Variants in CHRM3 observed in about 807,000 individuals in gnomAD.
CHRM3 encodes the protein cholinergic receptor muscarinic 3, also known as muscarinic acetylcholine receptor M3.
CHRM3 carries 11 observed loss-of-function variants against 41.8 expected under a neutral mutation model. The observed-to-expected ratio is 0.26, with a 90% confidence interval of 0.17 to 0.44. CHRM3 has a LOEUF of 0.44. Among genes scored for constraint, CHRM3 ranks in the 20% least tolerant of loss-of-function variants. CHRM3 has a pLI of 1.00. For missense variants in CHRM3, 571 were observed against 745.4 expected (o/e 0.77, Z 2.72); for synonymous variants, 297 against 301.4 (o/e 0.99, Z 0.15).
intron 6 of CHRM3, among the ~76,000 whole-genome samples, chr1:239,871,430 C>T (rs538205967): frequency 1.3e-5 from 2 of 152,052 alleles, no homozygotes; most frequent in Admixed American, 6.6e-5. Flanking sequence ...TTAGTAGAGA[C>T]GAGGTTTCAC....
At chr1:239,834,257 A>G (rs1673122159) in intron 6 of CHRM3, among the ~76,000 whole-genome samples, 1 of 151,626 alleles carries the variant, frequency 6.6e-6, no homozygotes, top group Non-Finnish European at 1.5e-5. Flanking sequence ...TTAAATGTTC[A>G]ATAAATACTC....
At chr1:239,879,973 G>C (rs1452656043) in intron 6 of CHRM3, among the ~76,000 whole-genome samples, 1 of 152,200 alleles carries the variant, frequency 6.6e-6, no homozygotes, top group East Asian at 1.9e-4. Flanking sequence ...AGCCAGGCTT[G>C]TTCTGCCTGT....
chr1:239,527,350 A>G (rs1670062014), intron 2 of CHRM3, among the ~76,000 whole-genome samples: 1 of 144,866 alleles, frequency 6.9e-6, no homozygotes, highest in Non-Finnish European at 1.5e-5. Context: ...ACCATGTTTT[A>G]TGAAAACTAG....
chr1:239,830,588 C>T lies in CHRM3; in HGVS notation c.-20+3210C>T, dbSNP rs578171130. On this transcript the variant is annotated intron_variant, in intron 6 of 6. Transcript: ENST00000676153. ...GTGTGGTGGCGCGTGCCTGTAGTCC[C>T]AGCTACTTGGGAGGCTAAGGCAGGA... is the stretch of plus-strand genomic sequence containing the variant. 5.9e-5 allele frequency among the ~76,000 whole-genome samples: 9 copies of T among 152,316 alleles called. No homozygotes were observed. In the South Asian group the frequency reaches 1.7e-3, roughly 28 times the overall value.
intron 6 of CHRM3, among the ~76,000 whole-genome samples, chr1:239,900,380 T>C (rs953609922): frequency 2.4e-5 from 3 of 127,294 alleles, no homozygotes; most frequent in Non-Finnish European, 4.5e-5. Context: ...AGATATTCTT[T>C]TTTTTTTTTT....
intron 2 of CHRM3, among the ~76,000 whole-genome samples, chr1:239,519,814 C>A (rs897707183): frequency 1.5e-5 from 2 of 132,950 alleles, no homozygotes; most frequent in African/African-American, 5.8e-5. Context: ...GTGGCACGAT[C>A]TTGGCTCACT....
chr1:239,445,071 A>G (rs1441360206), intron 1 of CHRM3, among the ~76,000 whole-genome samples: 9 of 152,206 alleles, frequency 5.9e-5, no homozygotes, highest in Admixed American at 5.9e-4. Flanking sequence ...ATCTTAATGA[A>G]TGATAATCCA....
chr1:239,807,996 C>A (rs930897786), intron 5 of CHRM3, among the ~76,000 whole-genome samples: 1 of 152,102 alleles, frequency 6.6e-6, no homozygotes, highest in Non-Finnish European at 1.5e-5. Flanking sequence ...AATGAATATT[C>A]ATTAGTTATA....
chr1:239,799,490 C>T (rs1035169112), intron 5 of CHRM3, among the ~76,000 whole-genome samples: 2 of 152,102 alleles, frequency 1.3e-5, no homozygotes, highest in East Asian at 1.9e-4. Flanking sequence ...CTCATGGAAT[C>T]CCTCCACCTA....
At chr1:239,396,057 G>C (rs755505423) in intron 1 of CHRM3, among the ~76,000 whole-genome samples, 1 of 152,116 alleles carries the variant, frequency 6.6e-6, no homozygotes, top group Non-Finnish European at 1.5e-5. Context: ...ACGTTCTCTT[G>C]CTGCATAGGA....
chr1:239,701,437 T>A (rs1025980844), intron 5 of CHRM3, among the ~76,000 whole-genome samples: 2 of 152,202 alleles, frequency 1.3e-5, no homozygotes, highest in African/African-American at 4.8e-5. Flanking sequence ...GAATCTTTCC[T>A]CATTCACCAA....
chr1:239,415,973 C>G (rs1661469845), intron 1 of CHRM3, among the ~76,000 whole-genome samples: 1 of 152,166 alleles, frequency 6.6e-6, no homozygotes, highest in South Asian at 2.1e-4. Context: ...AAAGCAGACC[C>G]TGAATATACA....
At chr1:239,873,798 A>T (rs944158904) in intron 6 of CHRM3, among the ~76,000 whole-genome samples, 1 of 152,036 alleles carries the variant, frequency 6.6e-6, no homozygotes, top group African/African-American at 2.4e-5. Flanking sequence ...TTTCCTCTGC[A>T]TATCTTGAGC....
intron 1 of CHRM3, among the ~76,000 whole-genome samples, chr1:239,404,882 C>T (rs2103010456): frequency 6.6e-6 from 1 of 151,462 alleles, no homozygotes; most frequent in South Asian, 2.1e-4. Flanking sequence ...CTATCAAAAA[C>T]AGACCATATT....
intron 1 of CHRM3, among the ~76,000 whole-genome samples, chr1:239,393,187 A>G (rs1044207542): frequency 3.2e-4 from 49 of 152,172 alleles, no homozygotes; most frequent in Admixed American, 3.2e-3. Flanking sequence ...TAAAGAAAGA[A>G]AGAAAGAAGA....
chr1:239,469,716 C>T (rs569506280), intron 1 of CHRM3, among the ~76,000 whole-genome samples: 1 of 152,150 alleles, frequency 6.6e-6, no homozygotes, highest in Admixed American at 6.5e-5. Context: ...ACCATCACGC[C>T]CAGCTAATTT....
chr1:239,748,334 C>T lies in CHRM3; in HGVS notation c.-147+70046C>T, dbSNP rs142210181. 2.3e-3 allele frequency among the ~76,000 whole-genome samples: 351 copies of T among 152,296 alleles called. 1 individual carries two copies. The highest frequency in any genetic ancestry group is 8.2e-3 in the African/African-American group (339 of 41,550). ...TTTTGCAAACATCACTTCTCTCTTA[C>T]GATGCAGTCAGAATCTTATTGACAC... On this transcript the variant is annotated intron_variant, in intron 5 of 6. Coordinates refer to ENST00000676153, the MANE Select transcript of CHRM3 (RefSeq NM_001375978.1). The surrounding 1 kb of genome is among the most constrained non-coding windows in gnomAD (Gnocchi z 4.3).
At chr1:239,880,040 G>A (rs780402912) in intron 6 of CHRM3, among the ~76,000 whole-genome samples, 21 of 152,278 alleles carry the variant, frequency 1.4e-4, no homozygotes, top group African/African-American at 1.9e-4. Flanking sequence ...GTTTATTCAC[G>A]AGGCAGCAAA....
chr1:239,857,986 ATATATAT>A (rs910397986), intron 6 of CHRM3, among the ~76,000 whole-genome samples: 1 of 152,094 alleles, frequency 6.6e-6, no homozygotes, highest in African/African-American at 2.4e-5. Flanking sequence ...TATATTATTG[ATATATAT>A]TATTAATTAA....
Sources: gnomAD v4.1 joint callset for allele counts (sites outside exome capture counted in the v4.1 genomes callset) on GRCh38, gnomAD v4.1.1 for gene constraint, Gnocchi (gnomAD v3.1) non-coding constraint, MANE v1.5 for transcripts, NCBI Gene and HGNC (gene_info 2026-07-23, HGNC 2026-07-21) for gene names.